Variants in SYK observed in about 807,000 individuals in gnomAD.
SYK encodes the protein tyrosine-protein kinase SYK.
SYK carries 16 observed loss-of-function variants against 77.8 expected under a neutral mutation model. That is an observed-to-expected ratio of 0.21 (90% CI 0.14 to 0.31). SYK has a LOEUF of 0.31. Ranked by LOEUF, SYK falls within the 10% of genes least tolerant of loss-of-function variation. The probability of loss-of-function intolerance (pLI) is 1.00; values close to 1 mark genes in which losing one functional copy is unlikely to be tolerated. For synonymous variants in SYK, 312 were observed against 308.7 expected (o/e 1.01, Z -0.11); for missense variants, 529 against 814.4 (o/e 0.65, Z 4.26).
chr9:90,852,017 C>T lies in SYK; in HGVS notation c.578+6423C>T, dbSNP rs377265987. ...TAATATTTTAATTAACTGCCTGACACGTCTCTATAACACCTTTTGTTTCCT... is the reference window on the plus strand; with the variant it reads ...TAATATTTTAATTAACTGCCTGACATGTCTCTATAACACCTTTTGTTTCCT... On this transcript the variant is annotated intron_variant, in intron 3 of 13. Coordinates refer to ENST00000375754, the MANE Select transcript of SYK (RefSeq NM_003177.7). Among the ~76,000 whole-genome samples, 10 of 152,186 alleles carry T rather than the reference C, an allele frequency of 6.6e-5. No individual in the cohort carries two copies. The East Asian group carries it at 1.2e-3, about 18-fold the overall frequency.
At chr9:90,808,848 A>T (rs1824956144) in intron 1 of SYK, among the ~76,000 whole-genome samples, 1 of 151,828 alleles carries the variant, frequency 6.6e-6, no homozygotes, top group East Asian at 1.9e-4. Flanking sequence ...GCACAGGGGG[A>T]CTGTGATTGC....
At chr9:90,872,702 T>G (rs1024004325) in intron 7 of SYK, among the ~76,000 whole-genome samples, 4 of 152,260 alleles carry the variant, frequency 2.6e-5, no homozygotes, top group Non-Finnish European at 5.9e-5. Context: ...AGAGAGCTAA[T>G]TTTTAAAGCA....
chr9:90,830,201 C>T (rs1272251387), intron 1 of SYK, among the ~76,000 whole-genome samples: 1 of 152,222 alleles, frequency 6.6e-6, no homozygotes, highest in African/African-American at 2.4e-5. Flanking sequence ...TAAGGCTGTG[C>T]CTTGGAGACC....
At chr9:90,864,950 G>T in intron 5 of SYK, 98 bp from the exon 6 acceptor site, 1 of 1,235,864 alleles carries the variant, frequency 8.1e-7, no homozygotes, top group Non-Finnish European at 1.2e-6. Flanking sequence ...TTCTCAAGCA[G>T]CAGCACATCC....
intron 7 of SYK, among the ~76,000 whole-genome samples, chr9:90,873,851 G>A (rs970458082): frequency 7.2e-5 from 11 of 152,264 alleles, no homozygotes; most frequent in Non-Finnish European, 1.6e-4. Flanking sequence ...CTTCCAAGGC[G>A]AACATGCAAA....
chr9:90,876,668 G>A (rs1827948869), intron 9 of SYK, among the ~76,000 whole-genome samples: 2 of 152,140 alleles, frequency 1.3e-5, no homozygotes, highest in African/African-American at 2.4e-5. Context: ...TAGAGAATTT[G>A]GGGAGAGGAG....
At chr9:90,826,318 T>C (rs1227134830) in intron 1 of SYK, among the ~76,000 whole-genome samples, 1 of 152,262 alleles carries the variant, frequency 6.6e-6, no homozygotes, top group African/African-American at 2.4e-5. Flanking sequence ...ATTAGGGATG[T>C]TGTGCACATC....
chr9:90,874,194 T>C lies in SYK; in HGVS notation c.916-10T>C, dbSNP rs1475260703. 1.9e-6 allele frequency: 3 copies of C among 1,612,446 alleles called. No individual in the cohort carries two copies. The highest frequency in any genetic ancestry group is 2.2e-5 in the East Asian group (1 of 44,862). Reference sequence around the variant, plus strand: ...AAGAAAAACAACCTGTTGTCCTTTATGTACTTTAGTCCTCCCCTGCCCAAG... The same window carrying C: ...AAGAAAAACAACCTGTTGTCCTTTACGTACTTTAGTCCTCCCCTGCCCAAG... On this transcript the variant is annotated splice_polypyrimidine_tract_variant and intron_variant, in intron 7 of 13. Transcript: ENST00000375754.
In SYK at chr9:90,884,588, CAT is replaced by C. The variant is rs775739183; in HGVS notation, c.1582-3158_1582-3157del. ...GTACATGTACATACATACACATACACATATGTGTACATGTACATATATACACA... is the reference window on the plus strand; with the variant it reads ...GTACATGTACATACATACACATACACATGTGTACATGTACATATATACACA... On this transcript the variant is annotated intron_variant, in intron 11 of 13. Transcript: ENST00000375754. 7.7e-5 allele frequency among the ~76,000 whole-genome samples: 5 copies of C among 64,612 alleles called. 1 individual carries two copies. Among genetic ancestry groups the C allele is most frequent in the East Asian group, 1.8e-3 (2 of 1,094 alleles). The allele number at this position is 64,612 out of a possible 152,430, so 42.4% of individuals were successfully genotyped here.
At chr9:90,874,599 A>T in intron 8 of SYK, 73 bp from the exon 9 acceptor site, 1 of 1,497,740 alleles carries the variant, frequency 6.7e-7, no homozygotes, top group Non-Finnish European at 9.1e-7. Flanking sequence ...TCCCATGAAG[A>T]TCATGTTCTT....
At chr9:90,878,699 C>G in intron 10 of SYK, 65 bp from the exon 11 acceptor site, 1 of 1,395,070 alleles carries the variant, frequency 7.2e-7, no homozygotes, top group Non-Finnish European at 1.0e-6. Context: ...GCGTGAGGAG[C>G]ATGGTTGTTT....
chr9:90,827,693 C>G (rs1225044926), intron 1 of SYK: 1 of 152,264 alleles, frequency 6.6e-6, no homozygotes, highest in Non-Finnish European at 1.5e-5. Flanking sequence ...TCTGCGTTTC[C>G]TCTCCTCTGC....
At chr9:90,818,162 T>C (rs1825365560) in intron 1 of SYK, among the ~76,000 whole-genome samples, 1 of 152,214 alleles carries the variant, frequency 6.6e-6, no homozygotes, top group African/African-American at 2.4e-5. Context: ...GGGTGCCCAC[T>C]GGTTCCATTT....
At chr9:90,882,954 G>A (rs529702197) in intron 11 of SYK, among the ~76,000 whole-genome samples, 229 of 152,220 alleles carry the variant, frequency 1.5e-3, no homozygotes, top group African/African-American at 5.1e-3. Context: ...CTCGACCCAC[G>A]TGGGCCTTAA....
chr9:90,866,033 G>A (rs979033320), intron 6 of SYK, among the ~76,000 whole-genome samples: 1 of 151,508 alleles, frequency 6.6e-6, no homozygotes. Context: ...CGAGTAGCTG[G>A]GACTACAGGC....
chr9:90,819,653 T>C (rs1270493089), intron 1 of SYK, among the ~76,000 whole-genome samples: 1 of 152,006 alleles, frequency 6.6e-6, no homozygotes, highest in Non-Finnish European at 1.5e-5. Context: ...CTTGGGTCCC[T>C]CCCATAACAT....
At chr9:90,856,616 T>TG (rs1827049093) in intron 3 of SYK, among the ~76,000 whole-genome samples, 1 of 151,356 alleles carries the variant, frequency 6.6e-6, no homozygotes, top group Admixed American at 6.6e-5. Flanking sequence ...TTTGTTTGTT[T>TG]TTTCAAATAT....
At chr9:90,884,544 C>T (rs62646605) in intron 11 of SYK, among the ~76,000 whole-genome samples, 185 of 6,598 alleles carry the variant, frequency 0.028, 82 homozygotes, top group African/African-American at 0.21. Context: ...CATGTACATA[C>T]ATACACATAC....
intron 3 of SYK, among the ~76,000 whole-genome samples, chr9:90,855,011 T>TACACACACACACAC (rs55839931): frequency 0.078 from 11,177 of 143,228 alleles, 545 homozygotes; most frequent in East Asian, 0.19. Flanking sequence ...CACACATACA[T>TACACACACACACAC]ACACACACAC....
Sources: allele counts gnomAD v4.1 joint callset (sites outside exome capture counted in the v4.1 genomes callset), GRCh38; gene constraint gnomAD v4.1.1; transcripts MANE v1.5; gene names NCBI Gene and HGNC (gene_info 2026-07-23, HGNC 2026-07-21).